The following PPFIA2 variants were observed in gnomAD, a reference collection of about 807,000 sequenced individuals.
PPFIA2 encodes PPFI scaffold protein A2.
A neutral mutation model predicts 175.5 loss-of-function variants in PPFIA2; 46 were observed. That is an observed-to-expected ratio of 0.26 (90% CI 0.21 to 0.34). The LOEUF (loss-of-function observed/expected upper bound fraction) is 0.34. Ranked by LOEUF, PPFIA2 falls within the 10% of genes least tolerant of loss-of-function variation. PPFIA2 has a pLI of 1.00. For synonymous variants in PPFIA2, 568 were observed against 511.4 expected (o/e 1.11, Z -1.49); for missense variants, 1,179 against 1,506.1 (o/e 0.78, Z 3.60).
intron 8 of PPFIA2, among the ~76,000 whole-genome samples, chr12:81,386,399 G>A (rs924853357): frequency 6.6e-6 from 1 of 151,822 alleles, no homozygotes; most frequent in Admixed American, 6.6e-5. Context: ...TGGGGTGGGA[G>A]GATCACTTGA....
At chr12:81,412,718 T>C (rs1447283075) in intron 7 of PPFIA2, among the ~76,000 whole-genome samples, 2 of 151,966 alleles carry the variant, frequency 1.3e-5, no homozygotes, top group Non-Finnish European at 2.9e-5. Context: ...AAGTTCAGGT[T>C]CTTGTTATAT....
chr12:81,740,093 TA>T (rs2082149500), intron 3 of PPFIA2, among the ~76,000 whole-genome samples: 2 of 152,144 alleles, frequency 1.3e-5, no homozygotes, highest in Admixed American at 1.3e-4. Context: ...AAAAATGATT[TA>T]AAATATTCAT....
chr12:81,643,206 G>A (rs1330339253), intron 4 of PPFIA2, among the ~76,000 whole-genome samples: 1 of 151,534 alleles, frequency 6.6e-6, no homozygotes, highest in South Asian at 2.1e-4. Flanking sequence ...TTGGTTAAAA[G>A]TCAAAGGGAT....
At chr12:81,277,454 A>G (rs1338253347) in intron 27 of PPFIA2, 40 bp from the exon 28 acceptor site, 1 of 1,455,488 alleles carries the variant, frequency 6.9e-7, no homozygotes, top group Admixed American at 2.8e-5. Flanking sequence ...CAGTGAGTCT[A>G]CCTTAGCAGG....
At chr12:81,467,816 A>G (rs1055374305) in intron 4 of PPFIA2, among the ~76,000 whole-genome samples, 1 of 152,166 alleles carries the variant, frequency 6.6e-6, no homozygotes, top group Non-Finnish European at 1.5e-5. Flanking sequence ...CCAGCTGCCT[A>G]CAAGTCTGAC....
At chr12:81,724,576 G>A (rs1244003412) in intron 3 of PPFIA2, among the ~76,000 whole-genome samples, 5 of 150,744 alleles carry the variant, frequency 3.3e-5, no homozygotes, top group African/African-American at 9.7e-5. Context: ...GAGAACATTC[G>A]ACTTTCTTTT....
At chr12:81,501,670 C>T (rs1718350812) in intron 4 of PPFIA2, among the ~76,000 whole-genome samples, 1 of 152,070 alleles carries the variant, frequency 6.6e-6, no homozygotes, top group African/African-American at 2.4e-5. Flanking sequence ...TAATGCTAGC[C>T]AGCTAATACA....
intron 4 of PPFIA2, among the ~76,000 whole-genome samples, chr12:81,468,421 ACT>A (rs1222196595): frequency 1.3e-5 from 2 of 152,100 alleles, no homozygotes; most frequent in African/African-American, 4.8e-5. Flanking sequence ...CCAACCAAAA[ACT>A]CTTTTGGCAG....
chr12:81,486,567 T>C (rs2058842354), intron 4 of PPFIA2, among the ~76,000 whole-genome samples: 1 of 151,890 alleles, frequency 6.6e-6, no homozygotes, highest in Admixed American at 6.6e-5. Flanking sequence ...AGATTTTTAG[T>C]GATAGATCTA....
intron 8 of PPFIA2, among the ~76,000 whole-genome samples, chr12:81,389,631 GAAT>G (rs572827605): frequency 7.9e-5 from 12 of 151,998 alleles, no homozygotes; most frequent in Non-Finnish European, 1.6e-4. Flanking sequence ...AATAATATCA[GAAT>G]AAAAAGTCAT....
At chr12:81,321,783 T>C (rs2053708505) in intron 22 of PPFIA2, among the ~76,000 whole-genome samples, 1 of 152,178 alleles carries the variant, frequency 6.6e-6, no homozygotes, top group African/African-American at 2.4e-5. Flanking sequence ...TACTCAAATA[T>C]AGTCTCTAAG....
chr12:81,362,041 CTAT>C (rs2030846139), intron 15 of PPFIA2, among the ~76,000 whole-genome samples: 2 of 146,380 alleles, frequency 1.4e-5, no homozygotes, highest in Non-Finnish European at 3.0e-5. Context: ...ATCTATCTAT[CTAT>C]CTATCTATGA....
chr12:81,623,172 G>T (rs1226880764), intron 4 of PPFIA2, among the ~76,000 whole-genome samples: 1 of 151,948 alleles, frequency 6.6e-6, no homozygotes, highest in Non-Finnish European at 1.5e-5. Context: ...TAATCAAATG[G>T]AAGATTAGCC....
At chr12:81,462,570 G>GTATATATATATATATATATATA (rs1254816940) in intron 4 of PPFIA2, among the ~76,000 whole-genome samples, 2 of 74,178 alleles carry the variant, frequency 2.7e-5, no homozygotes, top group Admixed American at 2.1e-4. Flanking sequence ...ATATATATGT[G>GTATATATATATATATATATATA]TATATATATA....
chr12:81,569,966 A>G (rs1200027662), intron 4 of PPFIA2, among the ~76,000 whole-genome samples: 2 of 152,140 alleles, frequency 1.3e-5, no homozygotes, highest in Non-Finnish European at 2.9e-5. Flanking sequence ...GATAACTGAG[A>G]GAATGAGCCA....
chr12:81,542,756 T>A (rs2153346917), intron 4 of PPFIA2, among the ~76,000 whole-genome samples: 1 of 152,264 alleles, frequency 6.6e-6, no homozygotes, highest in East Asian at 1.9e-4. Context: ...GCCAGCTTTA[T>A]AGCCAGGAAT....
At chr12:81,342,638 T>C (rs943238441) in intron 19 of PPFIA2, among the ~76,000 whole-genome samples, 4 of 152,090 alleles carry the variant, frequency 2.6e-5, no homozygotes, top group African/African-American at 9.7e-5. Context: ...ATTCTGATGC[T>C]GTGGAAAACC....
intron 9 of PPFIA2, 26 bp downstream of exon 9, chr12:81,383,997 G>A (rs2038360807): frequency 6.5e-7 from 1 of 1,540,260 alleles, no homozygotes; most frequent in African/African-American, 1.4e-5. Flanking sequence ...AGAAATCAAA[G>A]ACTGAAAGTG....
chr12:81,657,041 GA>G (rs974915992), intron 4 of PPFIA2, among the ~76,000 whole-genome samples: 1 of 152,090 alleles, frequency 6.6e-6, no homozygotes, highest in East Asian at 1.9e-4. Flanking sequence ...AATGTTAAGT[GA>G]AAAAAATGCA....
Sources: allele counts gnomAD v4.1 joint callset (sites outside exome capture counted in the v4.1 genomes callset), GRCh38; gene constraint gnomAD v4.1.1; transcripts MANE v1.5; gene names NCBI Gene and HGNC (gene_info 2026-07-23, HGNC 2026-07-21).